ALDH1L1: variants seen among roughly 807,000 people sequenced by gnomAD.
The protein encoded by ALDH1L1 is aldehyde dehydrogenase 1 family member L1.
In ALDH1L1, 68 loss-of-function variants were observed where a neutral mutation model predicts 101.1. The ratio of observed to expected loss-of-function variants is 0.67; its 90% CI spans 0.55 to 0.82. ALDH1L1 has a LOEUF of 0.82. ALDH1L1 is among the 40% of genes least tolerant of loss of function. ALDH1L1 has a pLI of 0.00. For synonymous variants in ALDH1L1, 486 were observed against 470.8 expected, an observed-to-expected ratio of 1.03 and a Z score of -0.42; for missense variants, 1,087 against 1,172.7, an observed-to-expected ratio of 0.93 and a Z score of 1.07.
At chr3:126,128,267 TCTC>T (rs1307532929) in intron 14 of ALDH1L1, 2 of 152,146 alleles carry the variant, frequency 1.3e-5, no homozygotes, top group Non-Finnish European at 2.9e-5. Context: ...CATACAGAAT[TCTC>T]CTCTTAGTCC....
intron 15 of ALDH1L1, among the ~76,000 whole-genome samples, 154 bp downstream of exon 15, chr3:126,125,460 CTG>C (rs1489484649): frequency 6.6e-6 from 1 of 152,242 alleles, no homozygotes; most frequent in Non-Finnish European, 1.5e-5. Context: ...CCTCTGCCCA[CTG>C]AGAGTGGGGC....
intron 1 of ALDH1L1, among the ~76,000 whole-genome samples, chr3:126,197,501 G>A (rs887340487): frequency 6.6e-6 from 1 of 152,152 alleles, no homozygotes; most frequent in Non-Finnish European, 1.5e-5. Flanking sequence ...GACCCAGTCA[G>A]ATGTAAGAGT....
chr3:126,153,750 C>A (rs567944709), intron 6 of ALDH1L1, among the ~76,000 whole-genome samples, 169 bp from the exon 7 acceptor site: 1 of 152,296 alleles, frequency 6.6e-6, no homozygotes, highest in South Asian at 2.1e-4. Context: ...TCCTGGGGCA[C>A]AAACAAGACC....
At chr3:126,134,601 T>C (rs1385563536) in intron 12 of ALDH1L1, among the ~76,000 whole-genome samples, 1 of 152,064 alleles carries the variant, frequency 6.6e-6, no homozygotes, top group Non-Finnish European at 1.5e-5. Context: ...CTCCATTCGG[T>C]TTTGCAGACC....
chr3:126,137,602 A>G (rs1480388728), intron 10 of ALDH1L1, among the ~76,000 whole-genome samples: 1 of 152,216 alleles, frequency 6.6e-6, no homozygotes, highest in Non-Finnish European at 1.5e-5. Context: ...TGTCCTGAGC[A>G]TCAGACAGCA....
intron 16 of ALDH1L1, among the ~76,000 whole-genome samples, chr3:126,124,002 T>G (rs1424353984): frequency 2.0e-5 from 3 of 152,182 alleles, no homozygotes; most frequent in East Asian, 3.8e-4. Flanking sequence ...AAGTGATTCA[T>G]GTATGACCTC....
intron 9 of ALDH1L1, among the ~76,000 whole-genome samples, chr3:126,146,021 G>T (rs984964665): frequency 6.6e-6 from 1 of 151,994 alleles, no homozygotes; most frequent in Non-Finnish European, 1.5e-5. Flanking sequence ...ACTGCATACT[G>T]CCTCACAGTG....
At chr3:126,139,570 AG>A (rs1201504107) in intron 9 of ALDH1L1, among the ~76,000 whole-genome samples, 2 of 152,244 alleles carry the variant, frequency 1.3e-5, no homozygotes, top group African/African-American at 4.8e-5. Context: ...GGTACCCCTG[AG>A]GAAGATCAGA....
At chr3:126,195,521 A>T (rs1464892689) in intron 1 of ALDH1L1, among the ~76,000 whole-genome samples, 1 of 152,236 alleles carries the variant, frequency 6.6e-6, no homozygotes, top group Non-Finnish European at 1.5e-5. Context: ...GTGGGACTGT[A>T]AACTAGTTCA....
At chr3:126,114,360 C>T (rs1233934723) in intron 18 of ALDH1L1, among the ~76,000 whole-genome samples, 197 bp downstream of exon 18, 2 of 152,180 alleles carry the variant, frequency 1.3e-5, no homozygotes, top group Non-Finnish European at 2.9e-5. Context: ...TATGAAACTT[C>T]TTGGGAAGTA....
At chr3:126,191,083 T>C (rs1487808641) in intron 1 of ALDH1L1, among the ~76,000 whole-genome samples, 1 of 152,144 alleles carries the variant, frequency 6.6e-6, no homozygotes, top group Non-Finnish European at 1.5e-5. Context: ...ATGGAGTGCT[T>C]CATAAAGCAG....
chr3:126,128,113 G>T (rs2080225120), intron 14 of ALDH1L1, among the ~76,000 whole-genome samples: 1 of 152,118 alleles, frequency 6.6e-6, no homozygotes, highest in Non-Finnish European at 1.5e-5. Flanking sequence ...GGCCCGGATT[G>T]CATGGCCAAG....
chr3:126,186,085 G>A (rs2081516096), upstream of ALDH1L1, among the ~76,000 whole-genome samples: 2 of 152,162 alleles, frequency 1.3e-5, no homozygotes, highest in South Asian at 4.1e-4. Flanking sequence ...AGTTGAAAAA[G>A]TTCTGGAGAT....
At position 126,158,529 on chromosome 3, in the gene ALDH1L1, G is replaced by T. The variant is rs2080966795; in HGVS notation, c.238C>A (p.Leu80Ile). The T allele has an allele frequency of 2.5e-6, 4 of 1,614,096 alleles. No individual in the cohort carries two copies. Among genetic ancestry groups the T allele is most frequent in the African/African-American group, 2.7e-5 (2 of 74,946 alleles). ...VAKYQALGAE[L>I]NVLPFCSQFI... is the part of the protein sequence containing the mutation. ...TGGCTGCAGAAGGGCAGGACGTTGA[G>T]CTCGGCCCCCAAAGCCTGGTATTTT... Residue 80 changes from leucine (L) to isoleucine (I), a missense_variant, in exon 3 of 23, where the codon CTC becomes ATC. By Grantham distance (5) the Leu-to-Ile change is conservative. This residue lies in a region of ALDH1L1 where 645 missense variants were observed against 637.0 expected (regional missense o/e 1.01). Coordinates refer to ENST00000393434, the MANE Select transcript of ALDH1L1 (RefSeq NM_012190.4).
intron 10 of ALDH1L1, among the ~76,000 whole-genome samples, chr3:126,137,127 G>A (rs1313375037): frequency 6.9e-6 from 1 of 144,230 alleles, no homozygotes; most frequent in Non-Finnish European, 1.5e-5. Flanking sequence ...CCTCCTTAGG[G>A]TGGGCTAAGA....
intron 22 of ALDH1L1, 145 bp downstream of exon 22, chr3:126,105,581 C>T (rs574357336): frequency 2.2e-6 from 2 of 923,756 alleles, no homozygotes; most frequent in South Asian, 1.4e-5. Flanking sequence ...TCACAAGTTC[C>T]CTCCCAGTAA....
At chr3:126,180,628 AGG>A (rs941750914), upstream of ALDH1L1, 1 of 1,289,020 alleles carries the variant, frequency 7.8e-7, no homozygotes, top group African/African-American at 1.5e-5. Flanking sequence ...AGAGCCCGTG[AGG>A]GGAGGGGCGC....
rs746560878 is a variant in ALDH1L1 at position 126,136,833 on chromosome 3, G to A, written c.1275C>T (p.Phe425=). 7 of 1,611,380 alleles carry A rather than the reference G, an allele frequency of 4.3e-6. No individual in the cohort carries two copies. The highest frequency in any genetic ancestry group is 5.9e-6 in the Non-Finnish European group (7 of 1,178,964). The change falls in exon 11 of 23, where the codon TTC becomes TTT. Residue 425 remains phenylalanine (F), a synonymous_variant. Coordinates refer to ENST00000393434, the MANE Select transcript of ALDH1L1 (RefSeq NM_012190.4). ...CGGCATCCACGAACTCCCCCCCAAT[G>A]AAGAGCTGGTGGGGCATGCGGACAG... The part of the protein sequence containing the change: ...KRTVRMPHQL[F]IGGEFVDAEG...
rs1167296699 is a variant in ALDH1L1, at chr3:126,160,894, ACACCCAC to A, written c.79_85del (p.Val27CysfsTer66). On this transcript the variant is annotated frameshift_variant, in exon 2 of 23. Coordinates refer to ENST00000393434, the MANE Select transcript of ALDH1L1 (RefSeq NM_012190.4). LOFTEE classifies it high-confidence loss of function. ...TCCATCCTTGTCTGGAACAGTGAAC[ACACCCAC>A]CACTTCGTGGCCCTCCTTCCTCAGG... 5.6e-6 allele frequency: 9 copies of A among 1,614,244 alleles called. No individual in the cohort carries two copies. In the Admixed American group the frequency reaches 1.3e-4, roughly 24 times the overall value.
Sources: gnomAD v4.1 joint callset for allele counts (sites outside exome capture counted in the v4.1 genomes callset) on GRCh38, gnomAD v4.1.1 for gene constraint, gnomAD v4.1.1 regional missense constraint, MANE v1.5 for transcripts, NCBI Gene and HGNC (gene_info 2026-07-23, HGNC 2026-07-21) for gene names.